The following CMKLR1 variants were observed in gnomAD, a reference collection of about 807,000 sequenced individuals.
CMKLR1 encodes the protein chemerin-like receptor 1.
Under a neutral mutation model 8.2 loss-of-function variants are expected in CMKLR1, and 6 were observed. That is an observed-to-expected ratio of 0.73 (90% CI 0.40 to 1.44). The LOEUF is 1.44. CMKLR1 is among the 40% of genes most tolerant of loss of function. The probability of loss-of-function intolerance (pLI) is 0.02; values close to 1 mark genes in which losing one functional copy is unlikely to be tolerated. For synonymous variants in CMKLR1, 178 were observed against 181.2 expected, an observed-to-expected ratio of 0.98 and a Z score of 0.14; for missense variants, 429 against 478.0, an observed-to-expected ratio of 0.90 and a Z score of 0.96.
chr12:108,301,819 C>T (rs1371462863), intron 2 of CMKLR1, among the ~76,000 whole-genome samples: 1 of 152,192 alleles, frequency 6.6e-6, no homozygotes, highest in Non-Finnish European at 1.5e-5. Flanking sequence ...AATTGCTCAT[C>T]TTGTGTTTGG....
At chr12:108,328,396 C>T (rs555737657) in intron 2 of CMKLR1, among the ~76,000 whole-genome samples, 2 of 152,296 alleles carry the variant, frequency 1.3e-5, no homozygotes, top group African/African-American at 2.4e-5. Context: ...CCGGGCCACA[C>T]GTGATCTCGT....
At chr12:108,293,514 T>A in intron 3 of CMKLR1, 75 bp downstream of exon 3, 8 of 1,501,774 alleles carry the variant, frequency 5.3e-6, no homozygotes, top group Non-Finnish European at 6.4e-6. Context: ...ACAGCCTTGT[T>A]GTGATCCCCC....
chr12:108,335,172 C>CA (rs1016128352), intron 1 of CMKLR1, among the ~76,000 whole-genome samples: 18 of 152,190 alleles, frequency 1.2e-4, no homozygotes, highest in African/African-American at 4.3e-4. Flanking sequence ...TAGCTGTCCA[C>CA]AAAAATTCAT....
chr12:108,314,989 G>A (rs1000638953), intron 2 of CMKLR1, among the ~76,000 whole-genome samples: 9 of 147,230 alleles, frequency 6.1e-5, no homozygotes, highest in African/African-American at 2.3e-4. Flanking sequence ...CCAGGCTGGA[G>A]TGCAATGGCG....
chr12:108,324,229 G>A (rs144782178), intron 2 of CMKLR1, among the ~76,000 whole-genome samples: 1 of 152,270 alleles, frequency 6.6e-6, no homozygotes, highest in Non-Finnish European at 1.5e-5. Context: ...AGGAAATGTG[G>A]CCTGGCTGCC....
Position 108,314,999 on chromosome 12 carries a change from G to A in CMKLR1, c.-74+14996C>T, listed in dbSNP as rs974475701. 6.1e-5 allele frequency among the ~76,000 whole-genome samples: 9 copies of A among 146,834 alleles called. 1 individual carries two copies. In the South Asian group the frequency reaches 6.5e-4, roughly 11 times the overall value. ...GTTGCCCAGGCTGGAGTGCAATGGCGCAATCTCAGCTCACCGCAATATCCA... is the reference window on the plus strand; with the variant it reads ...GTTGCCCAGGCTGGAGTGCAATGGCACAATCTCAGCTCACCGCAATATCCA... On this transcript the variant is annotated intron_variant, in intron 2 of 3. Transcript: ENST00000550402.
At chr12:108,324,258 G>C (rs1171383408) in intron 2 of CMKLR1, among the ~76,000 whole-genome samples, 4 of 152,152 alleles carry the variant, frequency 2.6e-5, no homozygotes, top group Non-Finnish European at 5.9e-5. Context: ...GATGTAGGGG[G>C]GCAGATAGGA....
intron 2 of CMKLR1, among the ~76,000 whole-genome samples, chr12:108,298,779 C>T (rs1207613151): frequency 6.6e-6 from 1 of 152,264 alleles, no homozygotes; most frequent in Non-Finnish European, 1.5e-5. Context: ...GGCCCAGCAC[C>T]AAGATTCTGC....
At chr12:108,325,020 G>C (rs759832674) in intron 2 of CMKLR1, among the ~76,000 whole-genome samples, 13 of 152,200 alleles carry the variant, frequency 8.5e-5, no homozygotes, top group Non-Finnish European at 1.6e-4. Flanking sequence ...AGCTGGTTCA[G>C]AGCACTTGCT....
In CMKLR1 at chr12:108,292,155, A is replaced by G. The variant is rs769868823; in HGVS notation, c.808T>C (p.Phe270Leu). ...KIIVTIIITF[F>L]LCWCPYHTLN... Reference sequence around the variant, plus strand: ...GTGTGGTAGGGGCACCAGCAGAGGAAGAAGGTAATGATGATGGTCACAATA... The same window carrying G: ...GTGTGGTAGGGGCACCAGCAGAGGAGGAAGGTAATGATGATGGTCACAATA... Residue 270 changes from phenylalanine to leucine, a missense_variant, in exon 4 of 4, where the codon TTC becomes CTC. Physicochemically the swap from Phe to Leu is conservative, Grantham distance 22. Coordinates refer to ENST00000550402, the MANE Select transcript of CMKLR1 (RefSeq NM_001142343.2). 9.9e-6 allele frequency: 16 copies of G among 1,614,050 alleles called. No homozygotes were observed. The highest frequency in any genetic ancestry group is 1.4e-5 in the Non-Finnish European group (16 of 1,180,042).
At chr12:108,316,167 C>T (rs1482610158) in intron 2 of CMKLR1, among the ~76,000 whole-genome samples, 1 of 152,210 alleles carries the variant, frequency 6.6e-6, no homozygotes, top group East Asian at 1.9e-4. Flanking sequence ...AAGTGTTAAA[C>T]AAAGCACAGG....
intron 1 of CMKLR1, among the ~76,000 whole-genome samples, chr12:108,333,241 A>G (rs113447638): frequency 1.5e-5 from 1 of 68,866 alleles, no homozygotes; most frequent in African/African-American, 4.5e-5. Flanking sequence ...CTATACCCCA[A>G]GAAAGCAGAA....
At chr12:108,320,943 T>C (rs938448) in intron 2 of CMKLR1, among the ~76,000 whole-genome samples, 119,615 of 152,226 alleles carry the variant, frequency 0.79, 47,602 homozygotes, top group East Asian at 1. Context: ...TTTTGGTGCC[T>C]AGTCTGGGTC....
chr12:108,335,081 A>T (rs1027561905), intron 1 of CMKLR1, among the ~76,000 whole-genome samples: 8 of 152,336 alleles, frequency 5.3e-5, no homozygotes, highest in Middle Eastern at 3.4e-3. Context: ...ATGTTAACTA[A>T]GATTGACTAA....
intron 2 of CMKLR1, among the ~76,000 whole-genome samples, chr12:108,301,532 A>T (rs1891273708): frequency 6.6e-6 from 1 of 152,104 alleles, no homozygotes; most frequent in Non-Finnish European, 1.5e-5. Flanking sequence ...TTCATCCTCC[A>T]CCAGCCCCCA....
chr12:108,304,984 T>C (rs1891370774), intron 2 of CMKLR1, among the ~76,000 whole-genome samples: 1 of 152,202 alleles, frequency 6.6e-6, no homozygotes, highest in Non-Finnish European at 1.5e-5. Flanking sequence ...CTGGCTCCTG[T>C]CCCCATCTTC....
At chr12:108,338,485 C>T (rs148055459) in intron 1 of CMKLR1, among the ~76,000 whole-genome samples, 3 of 152,326 alleles carry the variant, frequency 2.0e-5, no homozygotes, top group African/African-American at 4.8e-5. Flanking sequence ...TGTGAGAATA[C>T]TGTGCCCTGG....
intron 1 of CMKLR1, among the ~76,000 whole-genome samples, 155 bp downstream of exon 1, chr12:108,338,872 A>T (rs1892290544): frequency 6.6e-6 from 1 of 152,234 alleles, no homozygotes; most frequent in African/African-American, 2.4e-5. Flanking sequence ...TAAACAATGA[A>T]CATGCATTAC....
At chr12:108,325,488 C>T (rs914157719) in intron 2 of CMKLR1, among the ~76,000 whole-genome samples, 1 of 152,152 alleles carries the variant, frequency 6.6e-6, no homozygotes, top group African/African-American at 2.4e-5. Flanking sequence ...TTCCAACTTC[C>T]CCAATGGGTA....
Sources: gnomAD v4.1 joint callset for allele counts (sites outside exome capture counted in the v4.1 genomes callset) on GRCh38, gnomAD v4.1.1 for gene constraint, MANE v1.5 for transcripts, NCBI Gene and HGNC (gene_info 2026-07-23, HGNC 2026-07-21) for gene names.